CREB5: variants seen among roughly 807,000 people sequenced by gnomAD.
The protein encoded by CREB5 is cAMP responsive element binding protein 5.
Under a neutral mutation model 57.1 loss-of-function variants are expected in CREB5, and 19 were observed. The ratio of observed to expected loss-of-function variants is 0.33; its 90% CI spans 0.23 to 0.49. CREB5 has a LOEUF of 0.49. CREB5 is among the 20% of genes least tolerant of loss of function. CREB5 has a pLI of 0.99. For synonymous variants in CREB5, 238 were observed against 238.3 expected (o/e 1.00, Z 0.01); for missense variants, 579 against 671.6 (o/e 0.86, Z 1.52).
intron 4 of CREB5, among the ~76,000 whole-genome samples, chr7:28,553,474 C>CACACAATAGGCACACAAT (rs1794749457): frequency 1.3e-5 from 2 of 152,130 alleles, no homozygotes; most frequent in Non-Finnish European, 2.9e-5. Context: ...GACATGCTGC[C>CACACAATAGGCACACAAT]AGGTTCCTGT....
At chr7:28,491,224 T>A (rs2128596142) in intron 2 of CREB5, 1 of 985,456 alleles carries the variant, frequency 1.0e-6, no homozygotes, top group East Asian at 1.1e-4. Context: ...ATAGCCGAGC[T>A]GGAGTTTGTC....
chr7:28,513,106 C>T (rs1360343111), intron 4 of CREB5, among the ~76,000 whole-genome samples: 5 of 152,196 alleles, frequency 3.3e-5, no homozygotes, highest in African/African-American at 1.2e-4. Flanking sequence ...CGATGCCACC[C>T]ATTACTTGGG....
chr7:28,374,542 A>G (rs1250729880), intron 1 of CREB5, among the ~76,000 whole-genome samples: 1 of 152,238 alleles, frequency 6.6e-6, no homozygotes, highest in Non-Finnish European at 1.5e-5. Context: ...TACATGAAAC[A>G]ATGTGGATGA....
intron 1 of CREB5, among the ~76,000 whole-genome samples, chr7:28,395,484 C>A (rs1050499981): frequency 6.6e-6 from 1 of 152,164 alleles, no homozygotes; most frequent in Non-Finnish European, 1.5e-5. Context: ...CACGATACAG[C>A]CTTAGTGCAT....
intron 1 of CREB5, among the ~76,000 whole-genome samples, chr7:28,485,638 G>T (rs1723209976): frequency 1.3e-5 from 2 of 152,050 alleles, no homozygotes; most frequent in African/African-American, 4.8e-5. Context: ...TCTTATTAAG[G>T]TATGGACCTT....
chr7:28,587,792 G>A (rs764407183), intron 5 of CREB5, among the ~76,000 whole-genome samples: 16 of 152,134 alleles, frequency 1.1e-4, no homozygotes, highest in South Asian at 2.1e-4. Context: ...GTTATAAAAC[G>A]AGAGCCAGCT....
intron 7 of CREB5, among the ~76,000 whole-genome samples, chr7:28,789,719 A>G (rs1187911886): frequency 1.3e-5 from 2 of 152,166 alleles, no homozygotes; most frequent in Admixed American, 6.6e-5. Context: ...TGTAACTGTT[A>G]TTTCAGAAGG....
At chr7:28,368,206 G>A (rs897457462) in intron 1 of CREB5, among the ~76,000 whole-genome samples, 2 of 152,134 alleles carry the variant, frequency 1.3e-5, no homozygotes, top group African/African-American at 2.4e-5. Context: ...ATGTGCAGGG[G>A]CATACAGAGT....
intron 7 of CREB5, among the ~76,000 whole-genome samples, chr7:28,762,514 T>C (rs1805718589): frequency 6.6e-6 from 1 of 152,164 alleles, no homozygotes. Flanking sequence ...TCTATGAAAT[T>C]TAGAGCAAAA....
intron 7 of CREB5, among the ~76,000 whole-genome samples, chr7:28,796,166 C>G (rs902144699): frequency 6.6e-6 from 1 of 152,156 alleles, no homozygotes; most frequent in Non-Finnish European, 1.5e-5. Flanking sequence ...AAAGGAAACC[C>G]TGGAACCATT....
intron 5 of CREB5, among the ~76,000 whole-genome samples, chr7:28,655,383 G>A (rs1157700536): frequency 6.6e-6 from 1 of 152,150 alleles, no homozygotes; most frequent in Admixed American, 6.5e-5. Flanking sequence ...TAGGTGGGAG[G>A]ATTGCTTGAA....
intron 5 of CREB5, among the ~76,000 whole-genome samples, chr7:28,666,135 T>C (rs1239629723): frequency 1.3e-5 from 2 of 152,186 alleles, no homozygotes; most frequent in Non-Finnish European, 2.9e-5. Flanking sequence ...AAATGAGAAA[T>C]ACATGTTGTG....
intron 1 of CREB5, among the ~76,000 whole-genome samples, chr7:28,312,719 A>G (rs886628879): frequency 1.4e-4 from 21 of 152,312 alleles, no homozygotes; most frequent in Non-Finnish European, 2.8e-4. Context: ...TCCAGGTGTC[A>G]TCTCCAGAAA....
intron 1 of CREB5, among the ~76,000 whole-genome samples, chr7:28,364,046 A>G (rs1293564262): frequency 6.6e-6 from 1 of 152,228 alleles, no homozygotes; most frequent in Non-Finnish European, 1.5e-5. Context: ...GTTAGTTGAA[A>G]TGGATAAGTA....
intron 1 of CREB5, among the ~76,000 whole-genome samples, chr7:28,325,171 A>G (rs1785563938): frequency 6.6e-6 from 1 of 152,208 alleles, no homozygotes; most frequent in Non-Finnish European, 1.5e-5. Flanking sequence ...AAAAATGTAA[A>G]TCAGGCCGGG....
intron 5 of CREB5, among the ~76,000 whole-genome samples, chr7:28,609,855 G>A (rs1797317570): frequency 2.0e-5 from 3 of 152,228 alleles, no homozygotes; most frequent in Admixed American, 6.5e-5. Context: ...GACACATGGG[G>A]TCAGAAGAGG....
intron 9 of CREB5, among the ~76,000 whole-genome samples, chr7:28,814,913 G>T (rs1050055894): frequency 6.6e-6 from 1 of 152,274 alleles, no homozygotes. Context: ...CTCTACTGAG[G>T]ACATTAATTG....
In CREB5 at chr7:28,401,490, C is replaced by T. The variant is rs149303244; in HGVS notation, c.-24-93416C>T. On this transcript the variant is annotated intron_variant, in intron 1 of 9. Transcript: ENST00000396299. ...CAGGTTTGTTACATATGTATACATG[C>T]GCCATGTTGGTGTGCTGCACCCATT... 1.7e-3 allele frequency among the ~76,000 whole-genome samples: 259 copies of T among 151,824 alleles called. 4 individuals carry two copies. The highest frequency in any genetic ancestry group is 5.7e-3 in the African/African-American group (236 of 41,376).
chr7:28,501,420 C>T (rs957583515), intron 3 of CREB5, among the ~76,000 whole-genome samples: 3 of 152,148 alleles, frequency 2.0e-5, no homozygotes, highest in South Asian at 2.1e-4. Context: ...GTCCGTTTCT[C>T]GTCCGTATTC....
Sources: gnomAD v4.1 joint callset for allele counts (sites outside exome capture counted in the v4.1 genomes callset) on GRCh38, gnomAD v4.1.1 for gene constraint, MANE v1.5 for transcripts, NCBI Gene and HGNC (gene_info 2026-07-23, HGNC 2026-07-21) for gene names.